The following CRADD variants were observed in gnomAD, a reference collection of about 807,000 sequenced individuals.
CRADD encodes the protein CARD and death domain containing adaptor protein.
In CRADD, 9 loss-of-function variants were observed where a neutral mutation model predicts 15.5. The observed-to-expected ratio is 0.58, with a 90% CI of 0.35 to 1.01. The LOEUF is 1.01. Ranked by LOEUF, CRADD falls within the 50% of genes least tolerant of loss-of-function variation. The pLI, the probability that CRADD is intolerant of heterozygous loss-of-function variation, is 0.02. For missense variants in CRADD, 227 were observed against 250.3 expected, an observed-to-expected ratio of 0.91 and a Z score of 0.63; for synonymous variants, 118 against 107.6, an observed-to-expected ratio of 1.10 and a Z score of -0.60.
chr12:93,857,021 A>G (rs772733926), intron 2 of CRADD, among the ~76,000 whole-genome samples: 1 of 152,228 alleles, frequency 6.6e-6, no homozygotes, highest in Non-Finnish European at 1.5e-5. Context: ...GACACAGTTC[A>G]GTGAGCCAAT....
chr12:93,808,540 A>T (rs908635694), intron 2 of CRADD, among the ~76,000 whole-genome samples: 1 of 152,104 alleles, frequency 6.6e-6, no homozygotes, highest in African/African-American at 2.4e-5. Context: ...TTATTATCCC[A>T]TGAGAACATC....
chr12:93,846,598 A>ACACACACACG (rs1958121795), intron 2 of CRADD: 5 of 143,182 alleles, frequency 3.5e-5, no homozygotes, highest in Non-Finnish European at 7.8e-5. Flanking sequence ...ACACACACAC[A>ACACACACACG]CACACACACA....
chr12:93,703,221 A>G (rs55667424), intron 2 of CRADD, among the ~76,000 whole-genome samples: 1 of 151,832 alleles, frequency 6.6e-6, no homozygotes, highest in Non-Finnish European at 1.5e-5. Flanking sequence ...GATTTTTTTT[A>G]AAAAGTCCTT....
chr12:93,864,657 C>T (rs568905136), intron 2 of CRADD, among the ~76,000 whole-genome samples: 1 of 152,276 alleles, frequency 6.6e-6, no homozygotes. Context: ...TGTCTTGTGT[C>T]CTCTTCTTTC....
chr12:93,728,256 A>G (rs1274438966), intron 2 of CRADD, among the ~76,000 whole-genome samples: 1 of 152,252 alleles, frequency 6.6e-6, no homozygotes, highest in Non-Finnish European at 1.5e-5. Context: ...CTAATGAAAT[A>G]TGGTAGCACA....
At chr12:93,775,062 G>T (rs1212946247) in intron 2 of CRADD, among the ~76,000 whole-genome samples, 1 of 152,194 alleles carries the variant, frequency 6.6e-6, no homozygotes, top group Admixed American at 6.5e-5. Flanking sequence ...GATGTGCATT[G>T]AGAAAAATGA....
intron 2 of CRADD, among the ~76,000 whole-genome samples, chr12:93,874,864 A>G (rs115178352): frequency 0.011 from 1,644 of 152,104 alleles, 25 homozygotes; most frequent in African/African-American, 0.037. Flanking sequence ...AGAATGATCA[A>G]TGTGCTGAGG....
intron 2 of CRADD, among the ~76,000 whole-genome samples, chr12:93,856,932 A>C (rs1565941414): frequency 1.3e-5 from 2 of 152,238 alleles, no homozygotes; most frequent in Non-Finnish European, 2.9e-5. Flanking sequence ...TCTTGGAACT[A>C]TAAACAAAGC....
intron 2 of CRADD, among the ~76,000 whole-genome samples, chr12:93,845,768 AATTTTT>A (rs1958107466): frequency 6.6e-6 from 1 of 152,218 alleles, no homozygotes; most frequent in South Asian, 2.1e-4. Flanking sequence ...GGATTCTTTT[AATTTTT>A]ATTTTTAATT....
At chr12:93,871,700 T>C (rs933874658) in intron 2 of CRADD, among the ~76,000 whole-genome samples, 11 of 152,218 alleles carry the variant, frequency 7.2e-5, no homozygotes, top group African/African-American at 2.2e-4. Context: ...TTTCACTTCA[T>C]AATGATATCT....
Position 93,814,979 on chromosome 12 carries a change from C to T in CRADD, c.299-34991C>T, listed in dbSNP as rs775101437. 1.6e-4 allele frequency among the ~76,000 whole-genome samples: 25 copies of T among 152,132 alleles called. No homozygotes were observed. In the South Asian group the frequency reaches 1.7e-3, roughly 10 times the overall value. On this transcript the variant is annotated intron_variant, in intron 2 of 2. Transcript: ENST00000332896. ...TTCTCTGCAGAGGTTGGAATCACCC[C>T]CTTGGGTGCTGGTAGCAATCTGTGA...
intron 2 of CRADD, among the ~76,000 whole-genome samples, chr12:93,828,426 G>A (rs909855088): frequency 1.1e-4 from 16 of 152,140 alleles, no homozygotes; most frequent in East Asian, 3.8e-4. Context: ...TCTTCCAGAC[G>A]TTCCATAGTT....
Position 93,719,410 on chromosome 12 carries a change from C to G in CRADD, c.298+40338C>G, listed in dbSNP as rs180835486. 8.5e-4 allele frequency among the ~76,000 whole-genome samples: 129 copies of G among 152,160 alleles called. 1 individual carries two copies. The highest frequency in any genetic ancestry group is 2.6e-3 in the African/African-American group (109 of 41,520). On this transcript the variant is annotated intron_variant, in intron 2 of 2. Transcript: ENST00000332896. ...AAGAGAGACATTGGTCCATAGTTTT[C>G]TTTTCTTGTAATGTCTTTGGTGTTG...
At chr12:93,855,439 A>G (rs979666979), downstream of CRADD, among the ~76,000 whole-genome samples, 26 of 152,236 alleles carry the variant, frequency 1.7e-4, 1 homozygote, top group African/African-American at 6.0e-4. Context: ...ATAAATACAC[A>G]GTTCCTCTTC....
intron 2 of CRADD, among the ~76,000 whole-genome samples, chr12:93,891,235 T>C (rs1281960914): frequency 2.0e-5 from 3 of 150,426 alleles, no homozygotes; most frequent in Non-Finnish European, 4.4e-5. Context: ...ACGCCTGGAA[T>C]CCCAGCACTT....
intron 2 of CRADD, among the ~76,000 whole-genome samples, chr12:93,731,192 AT>A (rs1249900729): frequency 1.3e-5 from 2 of 152,016 alleles, no homozygotes; most frequent in African/African-American, 4.8e-5. Flanking sequence ...TTAGTGTTTT[AT>A]TTTTTTCTTC....
intron 2 of CRADD, among the ~76,000 whole-genome samples, chr12:93,866,607 G>A (rs868221740): frequency 6.6e-6 from 1 of 152,150 alleles, no homozygotes; most frequent in African/African-American, 2.4e-5. Flanking sequence ...GGTGATCATT[G>A]GCTGTTCATT....
At chr12:93,744,763 C>T (rs1299216039) in intron 2 of CRADD, among the ~76,000 whole-genome samples, 1 of 152,116 alleles carries the variant, frequency 6.6e-6, no homozygotes, top group African/African-American at 2.4e-5. Context: ...ATACATAATT[C>T]TAGAGGTTTA....
intron 2 of CRADD, among the ~76,000 whole-genome samples, chr12:93,736,379 C>G (rs1956569503): frequency 6.6e-6 from 1 of 152,130 alleles, no homozygotes; most frequent in Non-Finnish European, 1.5e-5. Context: ...TTTCTAAAGT[C>G]CTTATATTCA....
Sources: allele counts gnomAD v4.1 joint callset (sites outside exome capture counted in the v4.1 genomes callset), GRCh38; gene constraint gnomAD v4.1.1; transcripts MANE v1.5; gene names NCBI Gene and HGNC (gene_info 2026-07-23, HGNC 2026-07-21).